Variants in STK11 observed in about 807,000 individuals in gnomAD.
STK11 encodes the protein serine/threonine-protein kinase STK11.
STK11 carries 8 observed loss-of-function variants against 47.3 expected under a neutral mutation model. That is an observed-to-expected ratio of 0.17 (90% CI 0.10 to 0.31). STK11 has a LOEUF of 0.31. Ranked by LOEUF, STK11 falls within the 10% of genes least tolerant of loss-of-function variation. The pLI, the probability that STK11 is intolerant of heterozygous loss-of-function variation, is 1.00. For synonymous variants in STK11, 330 were observed against 255.8 expected, an observed-to-expected ratio of 1.29 and a Z score of -2.77; for missense variants, 475 against 605.0, an observed-to-expected ratio of 0.79 and a Z score of 2.25.
In STK11 at chr19:1,206,569, C is replaced by T. The variant is rs1287125072; in HGVS notation, c.-345C>T. On this transcript the variant is annotated 5_prime_UTR_variant, in exon 1 of 10. Transcript: ENST00000326873. ...TGACCTAGCACTGAAAAGCCCCGGC[C>T]GGCCTCCCCAGGGTCCCCGAGGACG... 7.4e-6 allele frequency: 3 copies of T among 402,850 alleles called. No homozygotes were observed. Among genetic ancestry groups the T allele is most frequent in the Non-Finnish European group, 1.3e-5 (3 of 222,610 alleles). 25.0% of individuals were successfully genotyped at this position (402,850 alleles called of 1,614,324 possible).
At chr19:1,218,379 T>C (rs370337587) in intron 1 of STK11, 38 bp from the exon 2 acceptor site, 2 of 1,559,690 alleles carry the variant, frequency 1.3e-6, no homozygotes, top group African/African-American at 2.7e-5. Flanking sequence ...CATCCTGACG[T>C]TGGGTCGGCT....
At chr19:1,226,870 A>G (rs2080827349) in intron 9 of STK11, 3 of 602,364 alleles carry the variant, frequency 5.0e-6, no homozygotes, top group South Asian at 4.9e-5. Context: ...CGTGCTGGTC[A>G]TGGAGGCCTA....
chr19:1,220,179 G>A (rs1001367713), intron 3 of STK11, 194 bp from the exon 4 acceptor site: 31 of 650,356 alleles, frequency 4.8e-5, no homozygotes, highest in East Asian at 6.0e-5. Flanking sequence ...TGGCTCGGCC[G>A]GACGAGGGTG....
chr19:1,207,141 C>T lies in STK11; in HGVS notation c.228C>T (p.Ala76=), dbSNP rs763166927. ...VLDSETLCRR[A]VKILKKKKLR... ...ACTCGGAGACGCTGTGCAGGAGGGC[C>T]GTCAAGATCCTCAAGAAGAAGAAGT... Residue 76 remains alanine (A), a synonymous_variant, in exon 1 of 10, where the codon GCC becomes GCT. Coordinates refer to ENST00000326873, the MANE Select transcript of STK11 (RefSeq NM_000455.5). 2 of 1,613,218 alleles carry T rather than the reference C, an allele frequency of 1.2e-6. No homozygotes were observed. The highest frequency in any genetic ancestry group is 1.7e-6 in the Non-Finnish European group (2 of 1,179,634).
At chr19:1,213,057 C>T (rs1160999021) in intron 1 of STK11, among the ~76,000 whole-genome samples, 1 of 133,194 alleles carries the variant, frequency 7.5e-6, no homozygotes, top group African/African-American at 2.9e-5. Context: ...AGTGCAGTGG[C>T]GTGATCTTGG....
chr19:1,226,048 C>G (rs977819552), intron 8 of STK11: 39 of 1,033,820 alleles, frequency 3.8e-5, no homozygotes, highest in Non-Finnish European at 3.8e-5. Context: ...CTCCTGTGTC[C>G]TCACAGATGA....
At position 1,219,386 on chromosome 19, in the gene STK11, A is replaced by G. The variant is rs1555737812; in HGVS notation, c.437A>G (p.Lys146Arg). 2.7e-6 allele frequency: 4 copies of G among 1,494,688 alleles called. No individual in the cohort carries two copies. Among genetic ancestry groups the G allele is most frequent in the Non-Finnish European group, 3.6e-6 (4 of 1,116,240 alleles). The allele number at this position is 1,494,688 out of a possible 1,614,324, so 92.6% of individuals were successfully genotyped here. A position where few individuals can be genotyped will look rare whatever the true frequency, so the allele number is the denominator to read the frequency against. The change falls in exon 3 of 10, where the codon AAG becomes AGG. Residue 146 changes from lysine (K) to arginine (R), a missense_variant. Physicochemically the swap from Lys to Arg is conservative, Grantham distance 26. This residue lies in a region of STK11 where 130 missense variants were observed against 239.7 expected (regional missense o/e 0.54). Coordinates refer to ENST00000326873, the MANE Select transcript of STK11 (RefSeq NM_000455.5). The stretch of plus-strand genomic sequence containing the variant: ...GAAATGCTGGACAGCGTGCCGGAGA[A>G]GCGTTTCCCAGTGTGCCAGGCCCAC... ...MQEMLDSVPE[K>R]RFPVCQAHGY...
chr19:1,216,438 G>A (rs1226201804), intron 1 of STK11: 1 of 158,954 alleles, frequency 6.3e-6, no homozygotes, highest in African/African-American at 2.4e-5. Context: ...AAATTAGCTG[G>A]GCGTGGTTGC....
chr19:1,223,327 C>T (rs1017727943), intron 8 of STK11, among the ~76,000 whole-genome samples, 155 bp downstream of exon 8: 6 of 152,216 alleles, frequency 3.9e-5, no homozygotes, highest in South Asian at 2.1e-4. Context: ...AGGCTGCCTC[C>T]GCCCTGCGGG....
chr19:1,212,685 T>C (rs1000619039), intron 1 of STK11, among the ~76,000 whole-genome samples: 6 of 151,642 alleles, frequency 4.0e-5, no homozygotes, highest in African/African-American at 1.5e-4. Flanking sequence ...GAACTACAGG[T>C]GCCTGCCACC....
chr19:1,224,766 G>C, intron 8 of STK11: 1 of 985,694 alleles, frequency 1.0e-6, no homozygotes, highest in Non-Finnish European at 1.2e-6. Flanking sequence ...GTGGTGAGGA[G>C]GAGTACCCAG....
chr19:1,224,145 G>T, intron 8 of STK11: 1 of 988,212 alleles, frequency 1.0e-6, no homozygotes. Flanking sequence ...TGGTCCCCAG[G>T]AGAGTACAGT....
intron 2 of STK11, 134 bp downstream of exon 2, chr19:1,218,634 G>A: frequency 1.2e-6 from 1 of 803,146 alleles, no homozygotes; most frequent in Non-Finnish European, 2.1e-6. Flanking sequence ...GCCTTCCCTG[G>A]TTCCCCGGAA....
chr19:1,212,125 C>G (rs1393923734), intron 1 of STK11, among the ~76,000 whole-genome samples: 1 of 152,074 alleles, frequency 6.6e-6, no homozygotes, highest in Non-Finnish European at 1.5e-5. Flanking sequence ...CGGTGCCCAG[C>G]CAGCTGGGGC....
chr19:1,216,781 T>C (rs1347767273), intron 1 of STK11, among the ~76,000 whole-genome samples: 1 of 149,786 alleles, frequency 6.7e-6, no homozygotes, highest in Non-Finnish European at 1.5e-5. Flanking sequence ...GATGGGAGGA[T>C]CGCTTGAGCC....
In STK11 at chr19:1,206,988, C is replaced by T. The variant is rs1466484547; in HGVS notation, c.75C>T (p.Phe25=). 6.2e-7 allele frequency: 1 copy of T among 1,612,954 alleles called. No homozygotes were observed. Among genetic ancestry groups the T allele is most frequent in the Non-Finnish European group, 8.5e-7 (1 of 1,179,636 alleles). Residue 25 remains phenylalanine (F), a synonymous_variant, in exon 1 of 10, where the codon TTC becomes TTT. Coordinates refer to ENST00000326873, the MANE Select transcript of STK11 (RefSeq NM_000455.5). ...GELMSVGMDT[F]IHRIDSTEVI... is the part of the protein sequence containing the mutation. ...TGATGTCGGTGGGTATGGACACGTT[C>T]ATCCACCGCATCGACTCCACCGAGG... is the stretch of plus-strand genomic sequence containing the variant.
chr19:1,217,175 T>G (rs962888794), intron 1 of STK11, among the ~76,000 whole-genome samples: 1 of 152,124 alleles, frequency 6.6e-6, no homozygotes, highest in African/African-American at 2.4e-5. Context: ...GCCCACCCAC[T>G]GGGTGTGAGG....
chr19:1,218,698 G>T (rs2080760589), intron 2 of STK11, among the ~76,000 whole-genome samples, 198 bp downstream of exon 2: 2 of 152,172 alleles, frequency 1.3e-5, no homozygotes, highest in Non-Finnish European at 2.9e-5. Context: ...CCTGAGCCCT[G>T]GCCCCTGTGT....
At chr19:1,208,491 G>GT (rs2080685178) in intron 1 of STK11, among the ~76,000 whole-genome samples, 1 of 149,720 alleles carries the variant, frequency 6.7e-6, no homozygotes, top group Admixed American at 6.7e-5. Context: ...GTATTTTTCA[G>GT]TAGAGACGGG....
Sources: allele counts gnomAD v4.1 joint callset (sites outside exome capture counted in the v4.1 genomes callset), GRCh38; gene constraint gnomAD v4.1.1; regional missense constraint gnomAD v4.1.1; transcripts MANE v1.5; gene names NCBI Gene and HGNC (gene_info 2026-07-23, HGNC 2026-07-21).